Variants in SBF1 observed in about 807,000 individuals in gnomAD.
SBF1 encodes the protein myotubularin-related protein 5.
SBF1 carries 65 observed loss-of-function variants against 215.8 expected under a neutral mutation model. The ratio of observed to expected loss-of-function variants is 0.30; its 90% CI spans 0.25 to 0.37. SBF1 has a LOEUF of 0.37. Among genes scored for constraint, SBF1 ranks in the 10% least tolerant of loss-of-function variants. The probability of loss-of-function intolerance (pLI) is 1.00; values close to 1 mark genes in which losing one functional copy is unlikely to be tolerated. For missense variants in SBF1, 2,634 were observed against 2,667.8 expected, an observed-to-expected ratio of 0.99 and a Z score of 0.28; for synonymous variants, 1,410 against 1,122.8, an observed-to-expected ratio of 1.26 and a Z score of -5.11.
Position 50,446,854 on chromosome 22 carries a change from G to GA in SBF1, c.*287_*288insT. On this transcript the variant is annotated 3_prime_UTR_variant, in exon 41 of 41. Transcript: ENST00000380817. ...AGACTCTGGTTCTAGAAACTCGCCT[G>GA]CAGCCGCTGGCTGGACCAGCACACG... 1 of 735,652 alleles carries GA rather than the reference G, an allele frequency of 1.4e-6. No individual in the cohort carries two copies. Among genetic ancestry groups the GA allele is most frequent in the Non-Finnish European group, 2.5e-6 (1 of 400,228 alleles). 45.6% of individuals were successfully genotyped at this position (735,652 alleles called of 1,614,324 possible). A position where few individuals can be genotyped will look rare whatever the true frequency, so the allele number is the denominator to read the frequency against.
Position 50,464,461 on chromosome 22 carries a change from A to C in SBF1, c.1637-20T>G. ...TGGCAGCTGCGGGGACAGAATACAC[A>C]CACTCGGACCCCTGACCCCACGCCC... On this transcript the variant is annotated intron_variant, in intron 14 of 40. Coordinates refer to ENST00000380817, the MANE Select transcript of SBF1 (RefSeq NM_002972.4). 6.2e-7 allele frequency: 1 copy of C among 1,608,966 alleles called. No homozygotes were observed. Among genetic ancestry groups the C allele is most frequent in the Non-Finnish European group, 8.5e-7 (1 of 1,176,358 alleles).
Position 50,456,050 on chromosome 22 carries a change from T to C in SBF1, c.4266+166A>G, listed in dbSNP as rs563046399. On this transcript the variant is annotated intron_variant, in intron 31 of 40. Coordinates refer to ENST00000380817, the MANE Select transcript of SBF1 (RefSeq NM_002972.4). ...CAGCTGGCCCCAGCCAGGCCCAGCC[T>C]CCCAGCTGCCTTCTAGGCACCAGAG... 1.2e-4 allele frequency: 88 copies of C among 739,338 alleles called. No homozygotes were observed. In the African/African-American group the frequency reaches 1.5e-3, roughly 13 times the overall value. 45.8% of individuals were successfully genotyped at this position (739,338 alleles called of 1,614,324 possible). A position where few individuals can be genotyped will look rare whatever the true frequency, so the allele number is the denominator to read the frequency against.
In SBF1 at chr22:50,457,037, G is replaced by A. The variant is rs763953503; in HGVS notation, c.3901C>T (p.Arg1301Ter). 4 of 1,437,570 alleles carry A rather than the reference G, an allele frequency of 2.8e-6. No homozygotes were observed. Among genetic ancestry groups the A allele is most frequent in the Non-Finnish European group, 3.6e-6 (4 of 1,098,232 alleles). The allele number at this position is 1,437,570 out of a possible 1,614,324, so 89.1% of individuals were successfully genotyped here. A position where few individuals can be genotyped will look rare whatever the true frequency, so the allele number is the denominator to read the frequency against. ...CTGCGCAGGCTCGGTACGGTACCTC[G>A]GGGTGCGGTCCGTCTGGAGGCCGAG... Reference protein sequence around the residue: ...AASASRRTAPRGKWGSVRTSG... With the variant: ...AASASRRTAP Residue 1301 changes from arginine to a stop codon, truncating the protein, a stop_gained, in exon 29 of 41, where the codon CGA becomes TGA. Coordinates refer to ENST00000380817, the MANE Select transcript of SBF1 (RefSeq NM_002972.4). LOFTEE classifies it high-confidence loss of function.
Position 50,462,024 on chromosome 22 carries a change from T to C in SBF1, c.2492A>G (p.Asn831Ser), listed in dbSNP as rs760496211. Reference protein sequence around the residue: ...DVAGAVVRFINRFVDKVCTES... With the variant: ...DVAGAVVRFISRFVDKVCTES... ...CGTGCAGACCTTGTCCACAAAGCGG[T>C]TGATGAAGCGGACCACAGCCCCAGC... Residue 831 changes from asparagine (N) to serine (S), a missense_variant, in exon 20 of 41, where the codon AAC becomes AGC. By Grantham distance (46) the Asn-to-Ser change is conservative. Transcript: ENST00000380817. The C allele has an allele frequency of 8.1e-6, 13 of 1,614,070 alleles. No individual in the cohort carries two copies. The highest frequency in any genetic ancestry group is 4.4e-5 in the South Asian group (4 of 91,092).
chr22:50,462,338 T>C lies in SBF1; in HGVS notation c.2263A>G (p.Ser755Gly). The C allele has an allele frequency of 6.2e-7, 1 of 1,614,128 alleles. No individual in the cohort carries two copies. ...CGGTTGGCATAGTGGATGGCCTGGC[T>C]GAACACCGTGCTCTCCTCCTTCTGC... The part of the protein sequence containing the change: ...LVQKEESTVF[S>G]QAIHYANRMS... Residue 755 changes from serine (S) to glycine (G), a missense_variant, in exon 19 of 41, where the codon AGC becomes GGC. Transcript: ENST00000380817.
intron 15 of SBF1, among the ~76,000 whole-genome samples, chr22:50,464,127 G>T (rs1021905077): frequency 6.6e-6 from 1 of 152,192 alleles, no homozygotes; most frequent in Admixed American, 6.5e-5. Context: ...TGGGTCTCCC[G>T]CGCAGGCCCG....
Position 50,467,368 on chromosome 22 carries a change from C to A in SBF1, c.519G>T (p.Thr173=). The A allele has an allele frequency of 3.7e-6, 6 of 1,614,148 alleles. No individual in the cohort carries two copies. Among genetic ancestry groups the A allele is most frequent in the Non-Finnish European group, 5.1e-6 (6 of 1,180,002 alleles). The change falls in exon 5 of 41, where the codon ACG becomes ACT. Residue 173 remains threonine (T), a synonymous_variant. Coordinates refer to ENST00000380817, the MANE Select transcript of SBF1 (RefSeq NM_002972.4). ...AGCCCCCAGCCAGGGGCACAGTGCA[C>A]GTCAGCAGGTTCCCAATCACGTTCT... ...CLENVIGNLL[T]CTVPLAGGSQ... is the part of the protein sequence containing the mutation.
intron 1 of SBF1, among the ~76,000 whole-genome samples, chr22:50,469,602 C>CTGCT (rs2067922528): frequency 6.6e-6 from 1 of 152,202 alleles, no homozygotes; most frequent in South Asian, 2.1e-4. Flanking sequence ...GCCTGCCTGC[C>CTGCT]TTCTCCTCCA....
intron 30 of SBF1, 39 bp downstream of exon 30, chr22:50,456,453 G>GGCCCCCCCCCCCCCCCC: frequency 2.0e-6 from 3 of 1,520,012 alleles, no homozygotes; most frequent in Non-Finnish European, 2.7e-6. Context: ...CCCCTGCCGA[G>GGCCCCCCCCCCCCCCCC]CCCCCACCCT....
Position 50,466,633 on chromosome 22 carries a change from G to A in SBF1, c.627C>T (p.Cys209=). Residue 209 remains cysteine, a synonymous_variant, in exon 6 of 41, where the codon TGC becomes TGT. Coordinates refer to ENST00000380817, the MANE Select transcript of SBF1 (RefSeq NM_002972.4). ...GCTGGCGGAAGAGCAGGGCCACGCT[G>A]CAGCGGCTGACGGGCAGCGAGTCGG... The part of the protein sequence containing the change: ...PLADSLPVSR[C]SVALLFRQLG... The A allele has an allele frequency of 1.3e-6, 2 of 1,552,670 alleles. No homozygotes were observed. The highest frequency in any genetic ancestry group is 8.7e-7 in the Non-Finnish European group (1 of 1,147,888).
chr22:50,474,641 G>A (rs1485065206), intron 1 of SBF1, 145 bp downstream of exon 1: 2 of 370,598 alleles, frequency 5.4e-6, no homozygotes, highest in Non-Finnish European at 8.3e-6. Context: ...TCGGCCCTCA[G>A]CGCCCGGCCC....
Position 50,447,087 on chromosome 22 carries a change from A to G in SBF1, c.*55T>C, listed in dbSNP as rs1200170252. ...AAACATGGCCGGGGCGGCCCTGCCC[A>G]CCCCTAGTGGTCGGTAACGACCGGA... On this transcript the variant is annotated 3_prime_UTR_variant, in exon 41 of 41. Transcript: ENST00000380817. The G allele has an allele frequency of 8.7e-6, 13 of 1,498,474 alleles. 1 individual carries two copies. The South Asian group carries it at 1.5e-4, about 18-fold the overall frequency. 92.8% of individuals were successfully genotyped at this position (1,498,474 alleles called of 1,614,324 possible). A position where few individuals can be genotyped will look rare whatever the true frequency, so the allele number is the denominator to read the frequency against.
chr22:50,449,525 G>T (rs1251963097), intron 36 of SBF1, among the ~76,000 whole-genome samples: 1 of 151,934 alleles, frequency 6.6e-6, no homozygotes, highest in Non-Finnish European at 1.5e-5. Flanking sequence ...TGAGGCAGGA[G>T]AATCACTTAA....
intron 28 of SBF1, 77 bp from the exon 29 acceptor site, chr22:50,457,188 A>T (rs1406845883): frequency 8.2e-7 from 1 of 1,218,960 alleles, no homozygotes; most frequent in Non-Finnish European, 1.1e-6. Flanking sequence ...CCTACAGGTC[A>T]GAGGGTTCCA....
chr22:50,460,996 T>C lies in SBF1; in HGVS notation c.2967+163A>G, dbSNP rs2073279. On this transcript the variant is annotated intron_variant, in intron 23 of 40. Coordinates refer to ENST00000380817, the MANE Select transcript of SBF1 (RefSeq NM_002972.4). ...GACCCAAAGACCGCACATCAAACAGTGGACATCAACTCAAGAGCCACAGTG... is the reference window on the plus strand; with the variant it reads ...GACCCAAAGACCGCACATCAAACAGCGGACATCAACTCAAGAGCCACAGTG... Among the ~76,000 whole-genome samples the C allele has an allele frequency of 0.38, 57,102 of 152,032 alleles. 11,852 individuals carry two copies. The highest frequency in any genetic ancestry group is 0.48 in the Non-Finnish European group (32,347 of 67,978).
chr22:50,467,712 C>T (rs771678825), intron 3 of SBF1, 22 bp from the exon 4 acceptor site: 14 of 514,300 alleles, frequency 2.7e-5, no homozygotes, highest in East Asian at 5.1e-5. Flanking sequence ...CAGGGGGAGA[C>T]GGGGGCAGGG....
At chr22:50,450,615 CCGAAGACA>C (rs2067009586) in intron 36 of SBF1, among the ~76,000 whole-genome samples, 1 of 152,126 alleles carries the variant, frequency 6.6e-6, no homozygotes. Flanking sequence ...CAAGACCTTA[CCGAAGACA>C]CAAAGACACA....
intron 1 of SBF1, among the ~76,000 whole-genome samples, chr22:50,473,759 C>T (rs931360388): frequency 6.6e-6 from 1 of 152,210 alleles, no homozygotes; most frequent in Non-Finnish European, 1.5e-5. Flanking sequence ...CAAGATCCAG[C>T]CCCTGCCTGA....
intron 28 of SBF1, among the ~76,000 whole-genome samples, chr22:50,457,773 C>G (rs920205053): frequency 3.3e-5 from 5 of 152,224 alleles, no homozygotes; most frequent in Admixed American, 3.3e-4. Context: ...CACAGAGGGT[C>G]TCTGGGCGCC....
Sources: gnomAD v4.1 joint callset for allele counts (sites outside exome capture counted in the v4.1 genomes callset) on GRCh38, gnomAD v4.1.1 for gene constraint, MANE v1.5 for transcripts, NCBI Gene and HGNC (gene_info 2026-07-23, HGNC 2026-07-21) for gene names.